The following NF1 variants were observed in gnomAD, a reference collection of about 807,000 sequenced individuals.
NF1 encodes neurofibromin.
NF1 carries 122 observed loss-of-function variants against 325.7 expected under a neutral mutation model. The observed-to-expected ratio is 0.37, with a 90% confidence interval of 0.32 to 0.44. NF1 has a LOEUF of 0.44. Ranked by LOEUF, NF1 falls within the 20% of genes least tolerant of loss-of-function variation. The pLI, the probability that NF1 is intolerant of heterozygous loss-of-function variation, is 1.00. For synonymous variants in NF1, 1,091 were observed against 1,186.0 expected (o/e 0.92, Z 1.65); for missense variants, 2,140 against 3,415.4 (o/e 0.63, Z 9.31).
In NF1 at chr17:31,325,806, G is replaced by A. The variant is rs757454370; in HGVS notation, c.4836-14G>A. 3 of 1,606,068 alleles carry A rather than the reference G, an allele frequency of 1.9e-6. No individual in the cohort carries two copies. Among genetic ancestry groups the A allele is most frequent in the South Asian group, 2.2e-5 (2 of 90,372 alleles). On this transcript the variant is annotated splice_polypyrimidine_tract_variant and intron_variant, in intron 36 of 57. Transcript: ENST00000358273. ...ACTGCTAATAATCTTTGTCTTTTTT[G>A]TCATTTTCCTTAGGTTCAAAACTGG...
At chr17:31,114,671 T>A (rs573714106) in intron 1 of NF1, among the ~76,000 whole-genome samples, 1 of 151,076 alleles carries the variant, frequency 6.6e-6, no homozygotes, top group Non-Finnish European at 1.5e-5. Flanking sequence ...CTGGCCAACA[T>A]AGTAAAACCC....
rs780244482 is a variant in NF1, at chr17:31,374,196, C to T, written c.*41C>T. 2.5e-5 allele frequency: 41 copies of T among 1,612,994 alleles called. No individual in the cohort carries two copies. Among genetic ancestry groups the T allele is most frequent in the Non-Finnish European group, 2.6e-5 (31 of 1,179,302 alleles). On this transcript the variant is annotated 3_prime_UTR_variant, in exon 58 of 58. Transcript: ENST00000358273. ...TTTTTTAAAATCAACTTAACATGGGCTCTTCACTAGTGACCCCTTCCCTGT... is the reference window on the plus strand; with the variant it reads ...TTTTTTAAAATCAACTTAACATGGGTTCTTCACTAGTGACCCCTTCCCTGT...
chr17:31,182,412 T>A lies in NF1; in HGVS notation c.731-96T>A, dbSNP rs753456617. ...AAGTTCCATGTTTATCTTTTAAAAA[T>A]GTTGCCCTTGGGTTTTTACATAGTG... On this transcript the variant is annotated intron_variant, in intron 7 of 57. Coordinates refer to ENST00000358273, the MANE Select transcript of NF1 (RefSeq NM_001042492.3). 2.3e-4 allele frequency: 270 copies of A among 1,159,270 alleles called. 1 individual carries two copies. In the Middle Eastern group the frequency reaches 0.012, roughly 53 times the overall value. The allele number at this position is 1,159,270 out of a possible 1,614,324, so 71.8% of individuals were successfully genotyped here.
At chr17:31,236,067 TTTTG>T (rs1555615591) in intron 29 of NF1, 46 bp downstream of exon 29, 84 of 1,465,190 alleles carry the variant, frequency 5.7e-5, no homozygotes, top group Middle Eastern at 5.2e-4. Context: ...GTTTTTTTTT[TTTTG>T]TTTGTTTGTT....
intron 36 of NF1, chr17:31,317,961 T>A (rs1352235792): frequency 4.4e-6 from 1 of 227,850 alleles, no homozygotes; most frequent in East Asian, 1.2e-4. Flanking sequence ...TTTAATTACA[T>A]TCAGACAAAG....
At chr17:31,370,322 GGAAAATTCA>G (rs1173303053) in intron 57 of NF1, among the ~76,000 whole-genome samples, 1 of 152,094 alleles carries the variant, frequency 6.6e-6, no homozygotes, top group African/African-American at 2.4e-5. Context: ...GAAAAAAATT[GGAAAATTCA>G]GAAAAATAAA....
At chr17:31,173,378 C>G (rs2065964387) in intron 5 of NF1, among the ~76,000 whole-genome samples, 1 of 151,854 alleles carries the variant, frequency 6.6e-6, no homozygotes, top group Non-Finnish European at 1.5e-5. Context: ...CCACTGCACT[C>G]CAGCCTGGGC....
Position 31,156,122 on chromosome 17 carries a change from A to G in NF1, c.200A>G (p.Asn67Ser), listed in dbSNP as rs375038808. ...ACTACTATTTTAAAGAATGTTAACAATATGGTGAGTATTTGGGTTACTGTG... is the reference window on the plus strand; with the variant it reads ...ACTACTATTTTAAAGAATGTTAACAGTATGGTGAGTATTTGGGTTACTGTG... Reference protein sequence around the residue: ...GLTTILKNVNNMRIFGEAAEK... With the variant: ...GLTTILKNVNSMRIFGEAAEK... Residue 67 changes from asparagine (N) to serine (S), a missense_variant, in exon 2 of 58, where the codon AAT becomes AGT. By Grantham distance (46) the Asn-to-Ser change is conservative. Around this residue, in one of 10 missense-constraint regions of NF1, gnomAD observed 246 missense variants for 347.8 expected, o/e 0.71. Transcript: ENST00000358273. The G allele has an allele frequency of 3.1e-6, 5 of 1,613,636 alleles. No individual in the cohort carries two copies. The highest frequency in any genetic ancestry group is 1.3e-5 in the African/African-American group (1 of 75,006).
intron 56 of NF1, 79 bp from the exon 57 acceptor site, chr17:31,360,408 C>A: frequency 8.0e-7 from 1 of 1,245,512 alleles, no homozygotes. Flanking sequence ...TAAGTCCAAA[C>A]AAAATTAATA....
At chr17:31,270,907 C>T (rs780230974) in intron 36 of NF1, among the ~76,000 whole-genome samples, 7 of 152,164 alleles carry the variant, frequency 4.6e-5, no homozygotes, top group Non-Finnish European at 4.4e-5. Context: ...AACATATCCC[C>T]AGCCCCCATT....
At chr17:31,185,173 TC>T (rs2066216462) in intron 8 of NF1, among the ~76,000 whole-genome samples, 1 of 152,128 alleles carries the variant, frequency 6.6e-6, no homozygotes. Flanking sequence ...ATGTTGATTC[TC>T]CTCAGAAGCC....
intron 18 of NF1, 89 bp from the exon 19 acceptor site, chr17:31,227,129 C>G (rs2067028264): frequency 1.5e-6 from 2 of 1,334,332 alleles, no homozygotes; most frequent in African/African-American, 2.9e-5. Flanking sequence ...TCTGCTCTTC[C>G]TACTCCTTTT....
At chr17:31,265,438 G>T in intron 36 of NF1, 99 bp downstream of exon 36, 1 of 841,802 alleles carries the variant, frequency 1.2e-6, no homozygotes. Flanking sequence ...GACTTAACAG[G>T]AATTGAAGAC....
At position 31,127,513 on chromosome 17, in the gene NF1, A is replaced by T. The variant is rs560276284; in HGVS notation, c.61-28470A>T. Among the ~76,000 whole-genome samples the T allele has an allele frequency of 4.6e-5, 7 of 151,820 alleles. No homozygotes were observed. In the South Asian group the frequency reaches 6.2e-4, roughly 13 times the overall value. ...TGTCAGTTTTTCCTAGAATATTTTTATTATTTATACATGATATTTAAAAAG... is the reference window on the plus strand; with the variant it reads ...TGTCAGTTTTTCCTAGAATATTTTTTTTATTTATACATGATATTTAAAAAG... On this transcript the variant is annotated intron_variant, in intron 1 of 57. Transcript: ENST00000358273.
At chr17:31,231,860 G>A (rs1341507495) in intron 24 of NF1, among the ~76,000 whole-genome samples, 9 of 151,974 alleles carry the variant, frequency 5.9e-5, no homozygotes, top group Admixed American at 5.9e-4. Flanking sequence ...TTTGTAGAAA[G>A]TAAGTATTAC....
chr17:31,135,259 A>T (rs1037520478), intron 1 of NF1, among the ~76,000 whole-genome samples: 38 of 152,190 alleles, frequency 2.5e-4, no homozygotes, highest in African/African-American at 9.2e-4. Flanking sequence ...ATAGAGGCTT[A>T]CAATATCTTA....
At chr17:31,209,247 T>G (rs1449734546) in intron 12 of NF1, among the ~76,000 whole-genome samples, 3 of 152,228 alleles carry the variant, frequency 2.0e-5, no homozygotes, top group African/African-American at 4.8e-5. Context: ...GGGTTGTCCC[T>G]CATTTGTATT....
At chr17:31,179,559 CAAT>C (rs2066087186) in intron 5 of NF1, among the ~76,000 whole-genome samples, 1 of 152,050 alleles carries the variant, frequency 6.6e-6, no homozygotes, top group Admixed American at 6.5e-5. Flanking sequence ...TTCAAAAAAT[CAAT>C]GAGTCTCCTG....
chr17:31,247,286 G>C (rs1330265252), intron 29 of NF1, among the ~76,000 whole-genome samples: 2 of 151,848 alleles, frequency 1.3e-5, no homozygotes, highest in Admixed American at 1.3e-4. Context: ...TGAATGATGT[G>C]ATTAAGAAAG....
Sources: gnomAD v4.1 joint callset for allele counts (sites outside exome capture counted in the v4.1 genomes callset) on GRCh38, gnomAD v4.1.1 for gene constraint, gnomAD v4.1.1 regional missense constraint, MANE v1.5 for transcripts, NCBI Gene and HGNC (gene_info 2026-07-23, HGNC 2026-07-21) for gene names.